The following SOCS5 variants were observed in gnomAD, a reference collection of about 807,000 sequenced individuals.
SOCS5 encodes suppressor of cytokine signaling 5, also known as CIS-6.
A neutral mutation model predicts 42.8 loss-of-function variants in SOCS5; 32 were observed. The observed-to-expected ratio is 0.75, with a 90% CI of 0.56 to 1.01. The LOEUF is 1.01. Ranked by LOEUF, SOCS5 falls within the 50% of genes least tolerant of loss-of-function variation. The probability of loss-of-function intolerance (pLI) is 0.00; values close to 1 mark genes in which losing one functional copy is unlikely to be tolerated. For synonymous variants in SOCS5, 283 were observed against 229.6 expected (o/e 1.23, Z -2.10); for missense variants, 627 against 653.0 (o/e 0.96, Z 0.43).
rs142298814 is a variant in SOCS5 at position 46,759,847 on chromosome 2, C to T, written c.1317C>T (p.Phe439=). The change falls in exon 2 of 2, where the codon TTC becomes TTT. Residue 439 remains phenylalanine, a synonymous_variant. Coordinates refer to ENST00000394861, the MANE Select transcript of SOCS5 (RefSeq NM_144949.3). Reference sequence around the variant, plus strand: ...AGCAGTGGAATCACAACTTTAGTTTCGACGCCCATGACCCGTGTGTATTTC... The same window carrying T: ...AGCAGTGGAATCACAACTTTAGTTTTGACGCCCATGACCCGTGTGTATTTC... ...RIEQWNHNFS[F]DAHDPCVFHS... 5.2e-5 allele frequency: 84 copies of T among 1,614,032 alleles called. No homozygotes were observed. The highest frequency in any genetic ancestry group is 1.6e-4 in the Middle Eastern group (1 of 6,084).
chr2:46,714,697 C>T (rs1471383582), intron 1 of SOCS5, among the ~76,000 whole-genome samples: 9 of 152,134 alleles, frequency 5.9e-5, no homozygotes, highest in Admixed American at 5.2e-4. Context: ...ACAGCCATGC[C>T]CCCATGCCAA....
At chr2:46,733,452 A>T (rs1049632542) in intron 1 of SOCS5, among the ~76,000 whole-genome samples, 2 of 152,054 alleles carry the variant, frequency 1.3e-5, no homozygotes, top group Non-Finnish European at 2.9e-5. Context: ...CCATGCCTGT[A>T]ATTCCAGCAC....
chr2:46,716,303 G>A (rs555695423), intron 1 of SOCS5, among the ~76,000 whole-genome samples: 1 of 112,718 alleles, frequency 8.9e-6, no homozygotes, highest in African/African-American at 3.3e-5. Context: ...CCTTATTGTA[G>A]TTTATTATTT....
intron 1 of SOCS5, among the ~76,000 whole-genome samples, chr2:46,741,422 A>C (rs72802451): frequency 0.048 from 7,371 of 152,226 alleles, 261 homozygotes; most frequent in Non-Finnish European, 0.08. Context: ...TATTTTTACA[A>C]ATCCCAAAGT....
intron 1 of SOCS5, among the ~76,000 whole-genome samples, chr2:46,737,481 T>G (rs1673279112): frequency 6.6e-6 from 1 of 152,224 alleles, no homozygotes; most frequent in African/African-American, 2.4e-5. Context: ...ATCTGATAAC[T>G]GATTATTATT....
intron 1 of SOCS5, among the ~76,000 whole-genome samples, chr2:46,752,442 C>A (rs887679817): frequency 6.6e-5 from 10 of 152,154 alleles, no homozygotes; most frequent in South Asian, 6.2e-4. Context: ...CTCTACCCTT[C>A]CCCATAATAG....
chr2:46,752,105 G>A (rs74835081), intron 1 of SOCS5, among the ~76,000 whole-genome samples: 9,281 of 151,902 alleles, frequency 0.061, 311 homozygotes, highest in Middle Eastern at 0.13. Flanking sequence ...CTGGCCTTTT[G>A]GAGAAAATGT....
At chr2:46,745,680 T>A (rs1673480302) in intron 1 of SOCS5, among the ~76,000 whole-genome samples, 1 of 152,174 alleles carries the variant, frequency 6.6e-6, no homozygotes, top group Non-Finnish European at 1.5e-5. Context: ...GAGGAAGGAC[T>A]ACCTGGGCTG....
intron 1 of SOCS5, among the ~76,000 whole-genome samples, chr2:46,734,160 T>C (rs888798906): frequency 4.6e-5 from 7 of 152,252 alleles, no homozygotes; most frequent in African/African-American, 1.4e-4. Flanking sequence ...TAGTTGGTGC[T>C]GTTTTTTATT....
intron 1 of SOCS5, among the ~76,000 whole-genome samples, chr2:46,730,635 C>A (rs1438075571): frequency 1.3e-5 from 2 of 151,952 alleles, no homozygotes; most frequent in Non-Finnish European, 2.9e-5. Context: ...GAGAATGGGT[C>A]CTATTTCATA....
At chr2:46,745,551 T>C (rs1278031730) in intron 1 of SOCS5, among the ~76,000 whole-genome samples, 2 of 152,182 alleles carry the variant, frequency 1.3e-5, no homozygotes, top group Non-Finnish European at 2.9e-5. Context: ...GTAACTGTTG[T>C]GCTATGTTAG....
intron 1 of SOCS5, among the ~76,000 whole-genome samples, chr2:46,753,109 G>A (rs892426763): frequency 6.6e-6 from 1 of 152,092 alleles, no homozygotes; most frequent in Non-Finnish European, 1.5e-5. Context: ...TCACTCACTG[G>A]GTTGTGTTAA....
chr2:46,747,773 A>G (rs1184330930), intron 1 of SOCS5, among the ~76,000 whole-genome samples: 2 of 152,136 alleles, frequency 1.3e-5, no homozygotes, highest in East Asian at 3.8e-4. Flanking sequence ...ATTTAGAGTA[A>G]ATAGGCATAG....
rs192535363 is a variant in SOCS5 at position 46,750,595 on chromosome 2, G to A, written c.-12-7924G>A. On this transcript the variant is annotated intron_variant, in intron 1 of 1. Coordinates refer to ENST00000394861, the MANE Select transcript of SOCS5 (RefSeq NM_144949.3). ...TTAACTGACCATATAATTAAAAGTA[G>A]TATTCAGAGAAGCAGTAGAACTTAC... Among the ~76,000 whole-genome samples the A allele has an allele frequency of 2.1e-3, 318 of 152,238 alleles. 2 individuals are homozygous for A. The highest frequency in any genetic ancestry group is 3.1e-3 in the Non-Finnish European group (210 of 68,008).
chr2:46,742,258 T>C (rs1393388789), intron 1 of SOCS5, among the ~76,000 whole-genome samples: 1 of 152,158 alleles, frequency 6.6e-6, no homozygotes. Context: ...TCTTCTTTTC[T>C]TTTTTAAATA....
intron 1 of SOCS5, among the ~76,000 whole-genome samples, chr2:46,749,481 A>G (rs946245919): frequency 2.6e-5 from 4 of 152,202 alleles, no homozygotes; most frequent in African/African-American, 9.7e-5. Flanking sequence ...CAGTCTGCCA[A>G]TAATGCTGGC....
intron 1 of SOCS5, among the ~76,000 whole-genome samples, chr2:46,740,455 A>G (rs1673345901): frequency 6.6e-6 from 1 of 152,266 alleles, no homozygotes. Flanking sequence ...AAGGATACAC[A>G]TGATGTGTAT....
chr2:46,728,319 A>G (rs765259686), intron 1 of SOCS5, among the ~76,000 whole-genome samples: 36 of 152,190 alleles, frequency 2.4e-4, no homozygotes, highest in Non-Finnish European at 4.3e-4. Context: ...GAGAGACAGG[A>G]TGGAGTGTTT....
intron 1 of SOCS5, among the ~76,000 whole-genome samples, chr2:46,749,334 A>G (rs557397769): frequency 5.9e-5 from 9 of 152,116 alleles, no homozygotes; most frequent in Non-Finnish European, 1.3e-4. Flanking sequence ...TCGCCCTATT[A>G]TATACTTAGT....
Sources: allele counts gnomAD v4.1 joint callset (sites outside exome capture counted in the v4.1 genomes callset), GRCh38; gene constraint gnomAD v4.1.1; transcripts MANE v1.5; gene names NCBI Gene and HGNC (gene_info 2026-07-23, HGNC 2026-07-21).